ARHGAP35: variants seen among roughly 807,000 people sequenced by gnomAD.
ARHGAP35 encodes rho GTPase-activating protein 35.
Under a neutral mutation model 111.1 loss-of-function variants are expected in ARHGAP35, and 15 were observed. The observed-to-expected ratio is 0.13, with a 90% CI of 0.09 to 0.21. The LOEUF (loss-of-function observed/expected upper bound fraction) is 0.21, where lower values mean the gene tolerates loss of function less well. ARHGAP35 is among the 10% of genes least tolerant of loss of function. The probability of loss-of-function intolerance (pLI) is 1.00; values close to 1 mark genes in which losing one functional copy is unlikely to be tolerated. For synonymous variants in ARHGAP35, 643 were observed against 710.3 expected (o/e 0.91, Z 1.51); for missense variants, 1,262 against 1,873.0 (o/e 0.67, Z 6.02).
intron 2 of ARHGAP35, among the ~76,000 whole-genome samples, chr19:46,933,137 C>CTTTTTTT (rs1174653724): frequency 1.5e-4 from 15 of 99,518 alleles, no homozygotes; most frequent in African/African-American, 5.4e-4. Flanking sequence ...AGTGTGCCTT[C>CTTTTTTT]TTTTTTTTTT....
chr19:46,927,098 C>T (rs2122209617), intron 2 of ARHGAP35, among the ~76,000 whole-genome samples: 1 of 152,364 alleles, frequency 6.6e-6, no homozygotes, highest in Non-Finnish European at 1.5e-5. Flanking sequence ...GGTGGGCACA[C>T]TGACTTGACC....
In ARHGAP35 at chr19:46,992,619, G is replaced by T. The variant is rs2056685270; in HGVS notation, c.4036+2944G>T. On this transcript the variant is annotated intron_variant, in intron 5 of 6. Transcript: ENST00000672722. The surrounding 1 kb of genome is among the most constrained non-coding windows in gnomAD (Gnocchi z 4.4). The stretch of plus-strand genomic sequence containing the variant: ...GCCCTGTCCTATGGCTTTTGTGCTG[G>T]AAGGGGTGCTAGAGCTGGCTCCGTC... 6.6e-6 allele frequency among the ~76,000 whole-genome samples: 1 copy of T among 152,132 alleles called. No individual in the cohort carries two copies. Among genetic ancestry groups the T allele is most frequent in the Non-Finnish European group, 1.5e-5 (1 of 68,034 alleles).
chr19:46,878,417 A>C (rs1220749946), intron 1 of ARHGAP35, among the ~76,000 whole-genome samples: 1 of 151,984 alleles, frequency 6.6e-6, no homozygotes, highest in Admixed American at 6.6e-5. Flanking sequence ...CTCGGGTTCA[A>C]GCAATTCTTG....
Position 46,993,443 on chromosome 19 carries a change from G to GC in ARHGAP35, c.4036+3769dup, listed in dbSNP as rs948923421. On this transcript the variant is annotated intron_variant, in intron 5 of 6. Coordinates refer to ENST00000672722, the MANE Select transcript of ARHGAP35 (RefSeq NM_004491.5). This position sits in a 1 kb window ranked among gnomAD's most constrained non-coding sequence, Gnocchi z 4.6. Reference sequence around the variant, plus strand: ...TGGCAAGTGGCGCAGCACAGCCAGGGCAGGAGTGTTCTTTGGGAACAGGGT... The same window carrying GC: ...TGGCAAGTGGCGCAGCACAGCCAGGGCCAGGAGTGTTCTTTGGGAACAGGGT... Among the ~76,000 whole-genome samples, 68 of 152,242 alleles carry GC rather than the reference G, an allele frequency of 4.5e-4. No individual in the cohort carries two copies. Among genetic ancestry groups the GC allele is most frequent in the Non-Finnish European group, 1.5e-4 (10 of 68,042 alleles).
At chr19:46,865,383 G>A (rs1019637562) in intron 1 of ARHGAP35, among the ~76,000 whole-genome samples, 1 of 152,000 alleles carries the variant, frequency 6.6e-6, no homozygotes, top group Admixed American at 6.6e-5. Context: ...CTCCCCACCC[G>A]CCCTTTTACC....
At chr19:46,872,009 G>T (rs2055890253) in intron 1 of ARHGAP35, among the ~76,000 whole-genome samples, 1 of 151,752 alleles carries the variant, frequency 6.6e-6, no homozygotes, top group Non-Finnish European at 1.5e-5. Context: ...AATATATAGG[G>T]ACCAAGAAAG....
chr19:46,929,018 A>G (rs2056255979), intron 2 of ARHGAP35, among the ~76,000 whole-genome samples: 1 of 149,606 alleles, frequency 6.7e-6, no homozygotes, highest in African/African-American at 2.5e-5. Flanking sequence ...AAGATTAGGG[A>G]TGACAGGAAG....
At chr19:46,990,353 C>A (rs1016128752) in intron 5 of ARHGAP35, among the ~76,000 whole-genome samples, 10 of 152,246 alleles carry the variant, frequency 6.6e-5, no homozygotes, top group African/African-American at 2.2e-4. Context: ...GATGGGCGAG[C>A]CTTCTCACTG....
Position 47,002,147 on chromosome 19 carries a change from AGGCGAGAGCTAGTGG to A in ARHGAP35, c.*1462_*1476del, listed in dbSNP as rs1288232633. On this transcript the variant is annotated 3_prime_UTR_variant, in exon 7 of 7. Transcript: ENST00000672722. Reference sequence around the variant, plus strand: ...GGAAGCCTGACACTAGGCACCCCCCAGGCGAGAGCTAGTGGGGTGCAGAGGGCCCCATGCCAGACA... The same window carrying A: ...GGAAGCCTGACACTAGGCACCCCCCAGGTGCAGAGGGCCCCATGCCAGACA... The A allele has an allele frequency of 6.5e-6, 1 of 152,788 alleles. No individual in the cohort carries two copies. The allele number at this position is 152,788 out of a possible 1,614,324, so 9.5% of individuals were successfully genotyped here.
chr19:46,863,177 C>G (rs2055838189), intron 1 of ARHGAP35, among the ~76,000 whole-genome samples: 1 of 152,138 alleles, frequency 6.6e-6, no homozygotes, highest in Admixed American at 6.6e-5. Flanking sequence ...AGCACTTCCC[C>G]TTTCAGGCAT....
chr19:46,909,288 C>T (rs1303992434), intron 1 of ARHGAP35, among the ~76,000 whole-genome samples: 1 of 152,050 alleles, frequency 6.6e-6, no homozygotes, highest in African/African-American at 2.4e-5. Flanking sequence ...GGGGAACAGA[C>T]TAAGACCATA....
At chr19:46,861,653 G>A (rs1039128138) in intron 1 of ARHGAP35, among the ~76,000 whole-genome samples, 2 of 151,262 alleles carry the variant, frequency 1.3e-5, no homozygotes, top group African/African-American at 4.9e-5. Context: ...TCTCTTAATT[G>A]TGGCTCCCAC....
intron 5 of ARHGAP35, among the ~76,000 whole-genome samples, chr19:46,995,969 T>C (rs559362853): frequency 1.1e-4 from 16 of 152,264 alleles, no homozygotes; most frequent in Admixed American, 3.3e-4. Context: ...TGCTGCTCAG[T>C]ACTCAGGAGC....
In ARHGAP35 at chr19:46,920,093, A is replaced by C. The variant is rs2056189389; in HGVS notation, c.1418A>C (p.Tyr473Ser). The change falls in exon 2 of 7, where the codon TAC becomes TCC. Residue 473 changes from tyrosine to serine, a missense_variant. Around this residue, in one of 8 missense-constraint regions of ARHGAP35, gnomAD observed 328 missense variants for 440.8 expected, o/e 0.74. Coordinates refer to ENST00000672722, the MANE Select transcript of ARHGAP35 (RefSeq NM_004491.5). This position sits in a 1 kb window ranked among gnomAD's most constrained non-coding sequence, Gnocchi z 7.0. ...DFYQWLEESV[Y>S]MDIYGKHQKQ... ...TACCAGTGGCTGGAGGAATCTGTAT[A>C]CATGGATATTTATGGCAAACACCAA... 1 of 1,613,950 alleles carries C rather than the reference A, an allele frequency of 6.2e-7. No homozygotes were observed. Among genetic ancestry groups the C allele is most frequent in the African/African-American group, 1.3e-5 (1 of 75,034 alleles).
In ARHGAP35 at chr19:46,989,894, C is replaced by T. The variant is rs904009138; in HGVS notation, c.4036+219C>T. Reference sequence around the variant, plus strand: ...TCTGAGGGTTACACCAAGAGAGTTGCAGGTTTCCCCCAAACTCTCATTAGT... The same window carrying T: ...TCTGAGGGTTACACCAAGAGAGTTGTAGGTTTCCCCCAAACTCTCATTAGT... On this transcript the variant is annotated intron_variant, in intron 5 of 6. Transcript: ENST00000672722. This position sits in a 1 kb window ranked among gnomAD's most constrained non-coding sequence, Gnocchi z 5.3. Among the ~76,000 whole-genome samples, 10 of 152,176 alleles carry T rather than the reference C, an allele frequency of 6.6e-5. No homozygotes were observed. Among genetic ancestry groups the T allele is most frequent in the Non-Finnish European group, 1.3e-4 (9 of 68,030 alleles).
At position 46,993,878 on chromosome 19, in the gene ARHGAP35, CT is replaced by C. The variant is rs931000113; in HGVS notation, c.4036+4204del. Among the ~76,000 whole-genome samples, 2 of 152,174 alleles carry C rather than the reference CT, an allele frequency of 1.3e-5. No individual in the cohort carries two copies. Among genetic ancestry groups the C allele is most frequent in the African/African-American group, 4.8e-5 (2 of 41,434 alleles). On this transcript the variant is annotated intron_variant, in intron 5 of 6. Transcript: ENST00000672722. This position sits in a 1 kb window ranked among gnomAD's most constrained non-coding sequence, Gnocchi z 4.6. ...CCACCTTCTCTCCCGGCCCACGCCC[CT>C]GGACTCCTGTCTACCCCTGACCACA...
intron 1 of ARHGAP35, among the ~76,000 whole-genome samples, chr19:46,874,443 CTTA>C (rs2055904694): frequency 6.7e-6 from 1 of 148,934 alleles, no homozygotes. Context: ...CAGATTTCGT[CTTA>C]TTATGAGAAA....
rs567862969 is a variant in ARHGAP35 at position 46,994,904 on chromosome 19, C to T, written c.4037-4400C>T. On this transcript the variant is annotated intron_variant, in intron 5 of 6. Transcript: ENST00000672722. This position sits in a 1 kb window ranked among gnomAD's most constrained non-coding sequence, Gnocchi z 5.4. The stretch of plus-strand genomic sequence containing the variant: ...ATTGTCTGACAAGGCAAGAATGGGG[C>T]GCTGTCACCACACAACCTCACCCAT... Among the ~76,000 whole-genome samples the T allele has an allele frequency of 1.3e-5, 2 of 152,288 alleles. No homozygotes were observed. The highest frequency in any genetic ancestry group is 1.9e-4 in the East Asian group (1 of 5,174).
Position 46,945,551 on chromosome 19 carries a change from A to T in ARHGAP35, c.3826+8143A>T, listed in dbSNP as rs2056374444. Reference sequence around the variant, plus strand: ...ATCCTGGGTCTCAGGGCCAAATTTGAGTCAAGCCTTCCTAGGATTCAAGAA... The same window carrying T: ...ATCCTGGGTCTCAGGGCCAAATTTGTGTCAAGCCTTCCTAGGATTCAAGAA... On this transcript the variant is annotated intron_variant, in intron 3 of 6. Coordinates refer to ENST00000672722, the MANE Select transcript of ARHGAP35 (RefSeq NM_004491.5). The surrounding 1 kb of genome is among the most constrained non-coding windows in gnomAD (Gnocchi z 4.1). 6.6e-6 allele frequency among the ~76,000 whole-genome samples: 1 copy of T among 152,052 alleles called. No individual in the cohort carries two copies. The highest frequency in any genetic ancestry group is 1.5e-5 in the Non-Finnish European group (1 of 68,006).
Sources: gnomAD v4.1 joint callset for allele counts (sites outside exome capture counted in the v4.1 genomes callset) on GRCh38, gnomAD v4.1.1 for gene constraint, gnomAD v4.1.1 regional missense constraint, Gnocchi (gnomAD v3.1) non-coding constraint, MANE v1.5 for transcripts, NCBI Gene and HGNC (gene_info 2026-07-23, HGNC 2026-07-21) for gene names.